The following ENTREP1 variants were observed in gnomAD, a reference collection of about 807,000 sequenced individuals.
ENTREP1 encodes the protein Friedreich ataxia region gene X123.
At chr9:69,383,461 C>T in the ENTREP1 span, 62 of 1,483,684 alleles carry the variant, frequency 4.2e-5, no homozygotes, top group East Asian at 8.9e-4. Flanking sequence ...CTGGCCACTT[C>T]GTCGGAGAGC....
the ENTREP1 span, chr9:69,324,616 C>T: frequency 1.0e-6 from 1 of 985,414 alleles, no homozygotes; most frequent in Non-Finnish European, 1.2e-6. Context: ...GAAAGCACTC[C>T]CGCGCCGATG....
chr9:69,391,954 G>T, the ENTREP1 span: 1 of 726,958 alleles, frequency 1.4e-6, no homozygotes, highest in South Asian at 1.8e-5. Context: ...CTGACTGAGG[G>T]CATTCAGGAG....
chr9:69,365,363 T>A, the ENTREP1 span, among the ~76,000 whole-genome samples: 1 of 152,170 alleles, frequency 6.6e-6, no homozygotes, highest in African/African-American at 2.4e-5. Flanking sequence ...CTAATTTCAC[T>A]CAATGCAGTT....
At chr9:69,342,567 G>A in the ENTREP1 span, among the ~76,000 whole-genome samples, 12 of 152,334 alleles carry the variant, frequency 7.9e-5, no homozygotes, top group South Asian at 2.5e-3. Flanking sequence ...AATGACCAAG[G>A]TAACACAAGG....
the ENTREP1 span, among the ~76,000 whole-genome samples, chr9:69,364,389 ATT>A: frequency 4.5e-3 from 683 of 150,388 alleles, 6 homozygotes; most frequent in African/African-American, 0.014. Flanking sequence ...CCCTGCAATG[ATT>A]TTTTTTTTTT....
chr9:69,340,048 A>G, the ENTREP1 span, among the ~76,000 whole-genome samples: 1 of 152,108 alleles, frequency 6.6e-6, no homozygotes, highest in Non-Finnish European at 1.5e-5. Flanking sequence ...TTAGTTGTTG[A>G]CTGTGGAGTT....
the ENTREP1 span, among the ~76,000 whole-genome samples, chr9:69,329,941 TTA>T: frequency 7.9e-5 from 11 of 139,362 alleles, no homozygotes; most frequent in African/African-American, 2.4e-4. Flanking sequence ...CTGGGTTTAA[TTA>T]GATTCCACTG....
the ENTREP1 span, among the ~76,000 whole-genome samples, chr9:69,342,300 A>G: frequency 3.9e-5 from 6 of 152,174 alleles, no homozygotes; most frequent in African/African-American, 1.2e-4. Context: ...CCAGTTCACA[A>G]TGAGTTGAAT....
chr9:69,388,027 C>T, the ENTREP1 span: 1 of 1,571,794 alleles, frequency 6.4e-7, no homozygotes, highest in East Asian at 2.4e-5. Context: ...AGATGAAAAG[C>T]AGGATGTGCA....
At chr9:69,383,686 G>T in the ENTREP1 span, 2 of 1,614,026 alleles carry the variant, frequency 1.2e-6, no homozygotes, top group Non-Finnish European at 1.7e-6. Context: ...CGAATCAAAG[G>T]TGTGGAAGTG....
At chr9:69,336,396 A>C in the ENTREP1 span, 1 of 582,482 alleles carries the variant, frequency 1.7e-6, no homozygotes, top group Non-Finnish European at 3.0e-6. Flanking sequence ...ACAATAGATA[A>C]TATTAGAAGT....
chr9:69,379,128 A>G, the ENTREP1 span, among the ~76,000 whole-genome samples: 6 of 152,244 alleles, frequency 3.9e-5, no homozygotes, highest in East Asian at 1.9e-4. Context: ...AGAAATTTCT[A>G]TTTTTTAATC....
At chr9:69,355,204 A>G in the ENTREP1 span, among the ~76,000 whole-genome samples, 1 of 152,248 alleles carries the variant, frequency 6.6e-6, no homozygotes, top group Non-Finnish European at 1.5e-5. Flanking sequence ...CTTTCTCCAC[A>G]GACTACCTAT....
chr9:69,374,726 G>T, the ENTREP1 span, among the ~76,000 whole-genome samples: 1 of 152,184 alleles, frequency 6.6e-6, no homozygotes, highest in Non-Finnish European at 1.5e-5. Flanking sequence ...GGAAGACAAA[G>T]ATCTGACCTC....
the ENTREP1 span, among the ~76,000 whole-genome samples, chr9:69,366,843 G>C: frequency 6.6e-6 from 1 of 151,890 alleles, no homozygotes; most frequent in African/African-American, 2.4e-5. Flanking sequence ...AACTCAGTTG[G>C]CTATAAATAT....
the ENTREP1 span, chr9:69,391,843 C>A: frequency 6.6e-7 from 1 of 1,523,380 alleles, no homozygotes; most frequent in Non-Finnish European, 8.9e-7. Context: ...GGGAAGGATC[C>A]CTCTCCTCTC....
At chr9:69,377,316 A>G in the ENTREP1 span, 2 of 995,798 alleles carry the variant, frequency 2.0e-6, no homozygotes, top group African/African-American at 1.6e-5. Flanking sequence ...TCTACATTGT[A>G]TTCTGGTGAT....
the ENTREP1 span, among the ~76,000 whole-genome samples, chr9:69,343,028 G>A: frequency 6.6e-6 from 1 of 152,126 alleles, no homozygotes; most frequent in African/African-American, 2.4e-5. Context: ...AGCCAATTTG[G>A]GTATGCTTTA....
the ENTREP1 span, among the ~76,000 whole-genome samples, chr9:69,370,997 G>T: frequency 6.6e-6 from 1 of 152,026 alleles, no homozygotes; most frequent in African/African-American, 2.4e-5. Flanking sequence ...ATCTTTGTGT[G>T]CATATTCTTT....
Sources: gnomAD v4.1 joint callset for allele counts (sites outside exome capture counted in the v4.1 genomes callset) on GRCh38, gnomAD v4.1.1 for gene constraint, MANE v1.5 for transcripts, NCBI Gene and HGNC (gene_info 2026-07-23, HGNC 2026-07-21) for gene names.